The following FSHR variants were observed in gnomAD, a reference collection of about 807,000 sequenced individuals.
FSHR encodes the protein follicle stimulating hormone receptor.
In FSHR, 46 loss-of-function variants were observed where a neutral mutation model predicts 52.1. The observed-to-expected ratio is 0.88, with a 90% CI of 0.70 to 1.13. The LOEUF (loss-of-function observed/expected upper bound fraction) is 1.13. FSHR is among the 50% of genes most tolerant of loss of function. FSHR has a pLI of 0.00. For synonymous variants in FSHR, 399 were observed against 309.6 expected, an observed-to-expected ratio of 1.29 and a Z score of -3.03; for missense variants, 964 against 834.6, an observed-to-expected ratio of 1.16 and a Z score of -1.91.
At chr2:49,008,617 G>T (rs1667154405) in intron 4 of FSHR, among the ~76,000 whole-genome samples, 2 of 146,016 alleles carry the variant, frequency 1.4e-5, no homozygotes, top group Non-Finnish European at 3.0e-5. Context: ...CTTCCACAAT[G>T]GTTGAACTAG....
At chr2:49,098,690 G>T (rs1426167352) in intron 1 of FSHR, among the ~76,000 whole-genome samples, 2 of 148,612 alleles carry the variant, frequency 1.3e-5, no homozygotes, top group Non-Finnish European at 3.0e-5. Context: ...GTATGTGTGT[G>T]TATGTGTACA....
In FSHR at chr2:49,068,086, T is replaced by A. The variant is rs1669576452; in HGVS notation, c.224+133A>T. The A allele has an allele frequency of 6.8e-6, 5 of 731,140 alleles. No individual in the cohort carries two copies. The Admixed American group carries it at 9.2e-5, about 13-fold the overall frequency. The allele number at this position is 731,140 out of a possible 1,614,324, so 45.3% of individuals were successfully genotyped here. A position where few individuals can be genotyped will look rare whatever the true frequency, so the allele number is the denominator to read the frequency against. ...GGAACCATGGTAACACAGTAAAATG[T>A]GAGGAGATGCAGAAAGTTTGGCTGA... On this transcript the variant is annotated intron_variant, in intron 2 of 9. Coordinates refer to ENST00000406846, the MANE Select transcript of FSHR (RefSeq NM_000145.4).
At chr2:49,136,231 A>G (rs1329454910) in intron 1 of FSHR, among the ~76,000 whole-genome samples, 6 of 152,134 alleles carry the variant, frequency 3.9e-5, no homozygotes, top group African/African-American at 1.4e-4. Flanking sequence ...ATTTTTACAA[A>G]TGCACACCAA....
intron 2 of FSHR, among the ~76,000 whole-genome samples, chr2:49,060,464 A>C (rs1304931581): frequency 6.6e-6 from 1 of 152,114 alleles, no homozygotes; most frequent in African/African-American, 2.4e-5. Context: ...TGATGCCTTG[A>C]CCAGCCAGGG....
At chr2:48,977,741 C>T (rs1214417717) in intron 8 of FSHR, among the ~76,000 whole-genome samples, 1 of 152,140 alleles carries the variant, frequency 6.6e-6, no homozygotes, top group African/African-American at 2.4e-5. Flanking sequence ...TTACCCCTTG[C>T]CAGACACACA....
chr2:48,983,600 G>A (rs1675356818), intron 6 of FSHR, among the ~76,000 whole-genome samples: 6 of 152,138 alleles, frequency 3.9e-5, no homozygotes, highest in Admixed American at 3.9e-4. Flanking sequence ...TTTCTCTAAG[G>A]CCTTAAGCCT....
chr2:49,021,400 T>C (rs113683843), intron 2 of FSHR, among the ~76,000 whole-genome samples: 107 of 152,306 alleles, frequency 7.0e-4, no homozygotes, highest in African/African-American at 2.4e-3. Context: ...AAGACTCTTA[T>C]GCAGTTTTAA....
Position 49,143,773 on chromosome 2 carries a change from CAA to C in FSHR, c.152+10491_152+10492del, listed in dbSNP as rs1305044800. Among the ~76,000 whole-genome samples the C allele has an allele frequency of 2.6e-5, 4 of 152,170 alleles. No individual in the cohort carries two copies. In the East Asian group the frequency reaches 7.7e-4, roughly 29 times the overall value. ...TTCCACAATATATTCCTCTACTTTG[CAA>C]GCACATTAAAGTTTGAGAAGTGTTA... On this transcript the variant is annotated intron_variant, in intron 1 of 9. Transcript: ENST00000406846.
chr2:49,106,422 G>T (rs906292507), intron 1 of FSHR, among the ~76,000 whole-genome samples: 4 of 152,112 alleles, frequency 2.6e-5, no homozygotes, highest in African/African-American at 9.7e-5. Flanking sequence ...CATGGGGGAA[G>T]GCAATGATAG....
chr2:49,086,799 T>A (rs762977361), intron 1 of FSHR, among the ~76,000 whole-genome samples: 1 of 152,136 alleles, frequency 6.6e-6, no homozygotes, highest in East Asian at 1.9e-4. Flanking sequence ...CGCCATCATG[T>A]CTGGCTAATT....
At chr2:48,989,087 C>T (rs777802995) in intron 5 of FSHR, 33 bp from the exon 6 acceptor site, 154 of 1,560,210 alleles carry the variant, frequency 9.9e-5, no homozygotes, top group Non-Finnish European at 1.3e-4. Context: ...AAGATACTTA[C>T]ATCAGCTCTA....
intron 1 of FSHR, among the ~76,000 whole-genome samples, chr2:49,151,015 T>C (rs1673041077): frequency 6.6e-6 from 1 of 152,150 alleles, no homozygotes; most frequent in South Asian, 2.1e-4. Flanking sequence ...TCTTGGAACA[T>C]GTCCATGTTC....
At chr2:49,133,174 C>T (rs571638130) in intron 1 of FSHR, among the ~76,000 whole-genome samples, 5 of 152,166 alleles carry the variant, frequency 3.3e-5, no homozygotes, top group Non-Finnish European at 1.5e-5. Context: ...CATCCTTATC[C>T]CAGCTGCCCG....
chr2:49,129,118 A>T (rs1023544363), intron 1 of FSHR, among the ~76,000 whole-genome samples: 2 of 150,354 alleles, frequency 1.3e-5, no homozygotes, highest in Non-Finnish European at 3.0e-5. Context: ...TTTTGTTTTC[A>T]CTATCTCTTT....
chr2:49,058,410 G>T (rs1669147988), intron 2 of FSHR, among the ~76,000 whole-genome samples: 1 of 151,886 alleles, frequency 6.6e-6, no homozygotes, highest in South Asian at 2.1e-4. Context: ...AGCCAGGCAT[G>T]GTGGTGCATG....
chr2:48,990,831 T>G (rs1675738052), intron 4 of FSHR, among the ~76,000 whole-genome samples, 194 bp from the exon 5 acceptor site: 1 of 151,920 alleles, frequency 6.6e-6, no homozygotes, highest in Non-Finnish European at 1.5e-5. Context: ...AGCTGTTGAT[T>G]CCTCAGAGAA....
chr2:49,051,415 A>G (rs138531157), intron 2 of FSHR, among the ~76,000 whole-genome samples: 128 of 152,208 alleles, frequency 8.4e-4, no homozygotes, highest in Non-Finnish European at 1.5e-3. Context: ...TATGGTTTTA[A>G]ATTGCATTTT....
At chr2:49,088,151 G>T (rs1218899914) in intron 1 of FSHR, among the ~76,000 whole-genome samples, 1 of 152,128 alleles carries the variant, frequency 6.6e-6, no homozygotes, top group Non-Finnish European at 1.5e-5. Flanking sequence ...AAGCCTGTCT[G>T]GTCCCAAAGC....
intron 2 of FSHR, among the ~76,000 whole-genome samples, chr2:49,031,979 G>A (rs578198039): frequency 1.6e-4 from 25 of 152,238 alleles, no homozygotes; most frequent in Admixed American, 1.6e-3. Context: ...TATATGCATA[G>A]CTTGTATCTG....
Sources: allele counts gnomAD v4.1 joint callset (sites outside exome capture counted in the v4.1 genomes callset), GRCh38; gene constraint gnomAD v4.1.1; transcripts MANE v1.5; gene names NCBI Gene and HGNC (gene_info 2026-07-23, HGNC 2026-07-21).